Variants in PIGF observed in about 807,000 individuals in gnomAD.
PIGF encodes the protein GPI ethanolamine phosphate transferase, stabilizing subunit.
Under a neutral mutation model 26.0 loss-of-function variants are expected in PIGF, and 23 were observed. The ratio of observed to expected loss-of-function variants is 0.88; its 90% CI spans 0.64 to 1.25. The LOEUF (loss-of-function observed/expected upper bound fraction) is 1.25, where lower values mean the gene tolerates loss of function less well. Among genes scored for constraint, PIGF ranks in the 50% most tolerant of loss-of-function variants. The pLI is 0.00. For missense variants in PIGF, 278 were observed against 249.9 expected, an observed-to-expected ratio of 1.11 and a Z score of -0.76; for synonymous variants, 93 against 92.6, an observed-to-expected ratio of 1.00 and a Z score of -0.03.
At chr2:46,600,855 CATT>C (rs1670034336) in intron 4 of PIGF, among the ~76,000 whole-genome samples, 1 of 151,892 alleles carries the variant, frequency 6.6e-6, no homozygotes, top group South Asian at 2.1e-4. Flanking sequence ...GTTCATAACA[CATT>C]AGTGGGAAAA....
chr2:46,598,529 A>ATTTTTTTTTTTTTTTTTTTTTTTT (rs747263045), intron 4 of PIGF, among the ~76,000 whole-genome samples: 6 of 103,524 alleles, frequency 5.8e-5, no homozygotes, highest in African/African-American at 2.2e-4. Flanking sequence ...ACATTATGAG[A>ATTTTTTTTTTTTTTTTTTTTTTTT]TTTTTTTTTT....
At chr2:46,584,973 A>G (rs868627130) in intron 5 of PIGF, among the ~76,000 whole-genome samples, 67 of 152,314 alleles carry the variant, frequency 4.4e-4, no homozygotes, top group African/African-American at 1.6e-3. Flanking sequence ...ATCCTAGCTT[A>G]ATCAGGTATT....
chr2:46,586,035 A>G (rs1004556762), intron 5 of PIGF, among the ~76,000 whole-genome samples: 2 of 152,130 alleles, frequency 1.3e-5, no homozygotes, highest in Non-Finnish European at 2.9e-5. Context: ...CAGCCTCCCA[A>G]AGTGCTGGGA....
At chr2:46,591,753 C>G in intron 5 of PIGF, 1 of 1,180,682 alleles carries the variant, frequency 8.5e-7, no homozygotes, top group South Asian at 1.5e-5. Context: ...TACATACCCT[C>G]TAGGTGTCAG....
In PIGF at chr2:46,581,428, T is replaced by G. The variant is rs554944769; in HGVS notation, c.*50A>C. On this transcript the variant is annotated 3_prime_UTR_variant, in exon 6 of 6. Transcript: ENST00000281382. ...GCTTGGCTTTGACCATACACATTTC[T>G]GCCCAGCCCTTACAGAATCTGCACA... is the stretch of plus-strand genomic sequence containing the variant. The G allele has an allele frequency of 8.8e-6, 14 of 1,585,334 alleles. No homozygotes were observed. In the Admixed American group the frequency reaches 1.8e-4, roughly 20 times the overall value.
chr2:46,602,008 A>T (rs187875114), intron 4 of PIGF, among the ~76,000 whole-genome samples: 10 of 151,628 alleles, frequency 6.6e-5, no homozygotes, highest in Non-Finnish European at 1.5e-5. Context: ...TCAGATTATT[A>T]CTTTCCTTTA....
chr2:46,581,789 A>G (rs1669389138), intron 5 of PIGF, 198 bp from the exon 6 acceptor site: 4 of 660,178 alleles, frequency 6.1e-6, no homozygotes, highest in Admixed American at 7.9e-5. Flanking sequence ...AACTGTAACA[A>G]GGCTTCTGGC....
rs1056828904 is a variant in PIGF at position 46,589,424 on chromosome 2, A to G, written c.546+3051T>C. On this transcript the variant is annotated intron_variant, in intron 5 of 5. Transcript: ENST00000281382. This position sits in a 1 kb window ranked among gnomAD's most constrained non-coding sequence, Gnocchi z 4.7. ...TATAATCTTATGCTTGGCCTCAGGA[A>G]TGTTATACAATGGTTTGAGTTCAAA... Among the ~76,000 whole-genome samples the G allele has an allele frequency of 3.9e-5, 6 of 151,960 alleles. No individual in the cohort carries two copies. Among genetic ancestry groups the G allele is most frequent in the Non-Finnish European group, 8.8e-5 (6 of 67,910 alleles).
intron 4 of PIGF, among the ~76,000 whole-genome samples, chr2:46,606,403 A>T (rs976754562): frequency 6.6e-6 from 1 of 152,172 alleles, no homozygotes; most frequent in Non-Finnish European, 1.5e-5. Context: ...CTTATCGGTA[A>T]ATAAAGAGTT....
At chr2:46,595,347 A>T (rs1248830150) in intron 4 of PIGF, among the ~76,000 whole-genome samples, 1 of 152,142 alleles carries the variant, frequency 6.6e-6, no homozygotes, top group Non-Finnish European at 1.5e-5. Flanking sequence ...ATTTCATATA[A>T]ATGGAATCAT....
intron 4 of PIGF, among the ~76,000 whole-genome samples, chr2:46,604,787 T>C (rs1670167075): frequency 6.6e-6 from 1 of 151,934 alleles, no homozygotes; most frequent in South Asian, 2.1e-4. Context: ...TAAGATCTAG[T>C]ATTTGATAGC....
At chr2:46,616,563 G>A (rs1338928105) in intron 1 of PIGF, 3 of 153,832 alleles carry the variant, frequency 2.0e-5, no homozygotes, top group Non-Finnish European at 4.3e-5. Context: ...CCACGGGCAT[G>A]ACCCGGCCCA....
intron 4 of PIGF, among the ~76,000 whole-genome samples, chr2:46,608,350 T>C (rs1482556145): frequency 6.6e-6 from 1 of 152,244 alleles, no homozygotes; most frequent in Admixed American, 6.5e-5. Flanking sequence ...AGGCTCCTGT[T>C]CTAATTCTAG....
intron 4 of PIGF, among the ~76,000 whole-genome samples, chr2:46,593,267 G>C (rs1490231073): frequency 2.0e-5 from 3 of 151,824 alleles, no homozygotes; most frequent in Non-Finnish European, 4.4e-5. Context: ...TGAGTAGCTG[G>C]GATTACAGGT....
intron 4 of PIGF, among the ~76,000 whole-genome samples, chr2:46,595,760 C>T (rs1669863159): frequency 6.6e-6 from 1 of 152,202 alleles, no homozygotes; most frequent in Non-Finnish European, 1.5e-5. Context: ...ACCCTCCTGA[C>T]ACTTGTCATT....
At chr2:46,608,448 C>T (rs1670293101) in intron 4 of PIGF, among the ~76,000 whole-genome samples, 1 of 152,206 alleles carries the variant, frequency 6.6e-6, no homozygotes, top group Non-Finnish European at 1.5e-5. Context: ...ATGGAATCAG[C>T]TTCTCGTCAA....
At chr2:46,603,127 T>A (rs1231300613) in intron 4 of PIGF, among the ~76,000 whole-genome samples, 1 of 151,886 alleles carries the variant, frequency 6.6e-6, no homozygotes, top group African/African-American at 2.4e-5. Context: ...ACAAATAAAA[T>A]TAAATATCTA....
chr2:46,588,028 CT>C lies in PIGF; in HGVS notation c.546+4446del, dbSNP rs1199585522. 1.2e-5 allele frequency: 17 copies of C among 1,471,492 alleles called. No homozygotes were observed. In the Admixed American group the frequency reaches 4.3e-4, roughly 37 times the overall value. The allele number at this position is 1,471,492 out of a possible 1,614,324, so 91.2% of individuals were successfully genotyped here. Reference sequence around the variant, plus strand: ...GCTAAGCAAGATGTGTACTCCTCCCCTCTCACACTTGGACTTTCTAGTGTAT... The same window carrying C: ...GCTAAGCAAGATGTGTACTCCTCCCCCTCACACTTGGACTTTCTAGTGTAT... On this transcript the variant is annotated intron_variant, in intron 5 of 5. Transcript: ENST00000281382. The surrounding 1 kb of genome is among the most constrained non-coding windows in gnomAD (Gnocchi z 4.1).
intron 4 of PIGF, among the ~76,000 whole-genome samples, chr2:46,607,884 G>T (rs1285351741): frequency 2.0e-5 from 3 of 152,112 alleles, no homozygotes; most frequent in African/African-American, 7.2e-5. Flanking sequence ...TTTTAGTAGA[G>T]ACAGAGTTTC....
Sources: gnomAD v4.1 joint callset for allele counts (sites outside exome capture counted in the v4.1 genomes callset) on GRCh38, gnomAD v4.1.1 for gene constraint, Gnocchi (gnomAD v3.1) non-coding constraint, MANE v1.5 for transcripts, NCBI Gene and HGNC (gene_info 2026-07-23, HGNC 2026-07-21) for gene names.